The following MKNK2 variants were observed in gnomAD, a reference collection of about 807,000 sequenced individuals.
MKNK2 encodes the protein MAPK interacting serine/threonine kinase 2.
Under a neutral mutation model 55.0 loss-of-function variants are expected in MKNK2, and 54 were observed. That is an observed-to-expected ratio of 0.98 (90% CI 0.79 to 1.23). MKNK2 has a LOEUF of 1.23. Ranked by LOEUF, MKNK2 falls within the 50% of genes most tolerant of loss-of-function variation. The pLI, the probability that MKNK2 is intolerant of heterozygous loss-of-function variation, is 0.00. For missense variants in MKNK2, 685 were observed against 632.1 expected (o/e 1.08, Z -0.90); for synonymous variants, 323 against 256.0 (o/e 1.26, Z -2.50).
At chr19:2,041,526 T>C (rs2016881775) in intron 11 of MKNK2, among the ~76,000 whole-genome samples, 1 of 152,086 alleles carries the variant, frequency 6.6e-6, no homozygotes. Context: ...CTGAACCCTG[T>C]CTGGGGTTTC....
rs1183778250 is a variant in MKNK2, at chr19:2,038,748, A to AC, written c.*864dup. 17 of 984,458 alleles carry AC rather than the reference A, an allele frequency of 1.7e-5. No individual in the cohort carries two copies. Among genetic ancestry groups the AC allele is most frequent in the Middle Eastern group, 1.0e-3 (2 of 1,918 alleles). The allele number at this position is 984,458 out of a possible 1,614,324, so 61.0% of individuals were successfully genotyped here. On this transcript the variant is annotated 3_prime_UTR_variant, in exon 14 of 14. Coordinates refer to ENST00000250896, the MANE Select transcript of MKNK2 (RefSeq NM_199054.3). Reference sequence around the variant, plus strand: ...GGTGCCCCAAGGGGGTGTCTTCAGGACCCCCCACATTGGCTGACAGTGCCT... The same window carrying AC: ...GGTGCCCCAAGGGGGTGTCTTCAGGACCCCCCCACATTGGCTGACAGTGCCT...
intron 2 of MKNK2, 29 bp from the exon 3 acceptor site, chr19:2,046,720 C>A: frequency 6.8e-7 from 1 of 1,477,298 alleles, no homozygotes; most frequent in Non-Finnish European, 9.0e-7. Context: ...GAGAGGCACT[C>A]AGGCCCCATC....
At position 2,046,201 on chromosome 19, in the gene MKNK2, C is replaced by G. The variant is rs751969746; in HGVS notation, c.324G>C (p.Gln108His). Reference sequence around the variant, plus strand: ...GCGGGCCCACCTTGACGGCGTACTCCTGGCTGGTGATCAGGTTGATGCAGG... The same window carrying G: ...GCGGGCCCACCTTGACGGCGTACTCGTGGCTGGTGATCAGGTTGATGCAGG... ...VQTCINLITSQEYAVKIIEKQ... is the reference protein window; with the variant it reads ...VQTCINLITSHEYAVKIIEKQ... The change falls in exon 5 of 14, where the codon CAG becomes CAC. Residue 108 changes from glutamine to histidine, a missense_variant. By Grantham distance (24) the Gln-to-His change is conservative (BLOSUM62 0). Transcript: ENST00000250896. 2.0e-5 allele frequency: 32 copies of G among 1,608,632 alleles called. No homozygotes were observed. The East Asian group carries it at 7.1e-4, about 36-fold the overall frequency.
chr19:2,049,635 C>T (rs1404147772), intron 2 of MKNK2, among the ~76,000 whole-genome samples: 1 of 152,214 alleles, frequency 6.6e-6, no homozygotes, highest in Non-Finnish European at 1.5e-5. Flanking sequence ...TTCAAGTGTG[C>T]TTTAGCTGCC....
intron 2 of MKNK2, among the ~76,000 whole-genome samples, chr19:2,050,592 T>C (rs141207306): frequency 6.6e-6 from 1 of 152,150 alleles, no homozygotes; most frequent in Non-Finnish European, 1.5e-5. Flanking sequence ...CCGGCGGCCA[T>C]GGCTGGAGAG....
chr19:2,038,067 G>A lies in MKNK2; in HGVS notation c.*1546C>T. On this transcript the variant is annotated 3_prime_UTR_variant, in exon 14 of 14. Transcript: ENST00000250896. The stretch of plus-strand genomic sequence containing the variant: ...GGGTCTTTGGAAGGGGCAGTCCACA[G>A]ATATGGGCAGTGGGGACCAGGGAAG... 8.2e-7 allele frequency: 1 copy of A among 1,218,798 alleles called. No homozygotes were observed. Among genetic ancestry groups the A allele is most frequent in the African/African-American group, 1.5e-5 (1 of 64,636 alleles). The allele number at this position is 1,218,798 out of a possible 1,614,324, so 75.5% of individuals were successfully genotyped here.
chr19:2,046,038 C>A, intron 5 of MKNK2, 148 bp downstream of exon 5: 1 of 746,636 alleles, frequency 1.3e-6, no homozygotes, highest in Non-Finnish European at 2.2e-6. Context: ...CACTGTCATT[C>A]CCGACTGGAC....
chr19:2,040,348 A>G (rs2016849544), intron 12 of MKNK2, 171 bp from the exon 13 acceptor site: 1 of 589,886 alleles, frequency 1.7e-6, no homozygotes, highest in Non-Finnish European at 2.9e-6. Flanking sequence ...CGAGGTCCCT[A>G]TGGTGAGGCT....
chr19:2,038,594 C>T lies in MKNK2; in HGVS notation c.*1019G>A. 1 of 985,328 alleles carries T rather than the reference C, an allele frequency of 1.0e-6. No homozygotes were observed. Among genetic ancestry groups the T allele is most frequent in the Non-Finnish European group, 1.2e-6 (1 of 829,852 alleles). 61.0% of individuals were successfully genotyped at this position (985,328 alleles called of 1,614,324 possible). A position where few individuals can be genotyped will look rare whatever the true frequency, so the allele number is the denominator to read the frequency against. On this transcript the variant is annotated 3_prime_UTR_variant, in exon 14 of 14. Coordinates refer to ENST00000250896, the MANE Select transcript of MKNK2 (RefSeq NM_199054.3). ...ACTGCCCTGGGGGTGAGGATTCGGCCAGACCCCGGGGTCTGGGCTCAGCTC... is the reference window on the plus strand; with the variant it reads ...ACTGCCCTGGGGGTGAGGATTCGGCTAGACCCCGGGGTCTGGGCTCAGCTC...
In MKNK2 at chr19:2,046,179, G is replaced by A. The variant is rs768471478; in HGVS notation, c.339+7C>T. On this transcript the variant is annotated splice_region_variant and intron_variant, in intron 5 of 13. Transcript: ENST00000250896. ...GCTGGGTTCCCCAGGGCGCGGCGCG[G>A]GCCCACCTTGACGGCGTACTCCTGG... 1.2e-6 allele frequency: 2 copies of A among 1,607,576 alleles called. No homozygotes were observed. The highest frequency in any genetic ancestry group is 2.7e-5 in the African/African-American group (2 of 74,924).
chr19:2,042,902 G>C, intron 7 of MKNK2, 32 bp from the exon 8 acceptor site: 1 of 1,539,992 alleles, frequency 6.5e-7, no homozygotes. Flanking sequence ...AGGACAGGGG[G>C]AACACGCAGG....
chr19:2,040,932 T>G (rs2016864556), intron 12 of MKNK2, 108 bp downstream of exon 12: 1 of 1,071,430 alleles, frequency 9.3e-7, no homozygotes, highest in African/African-American at 1.6e-5. Flanking sequence ...CAAGCCTCAG[T>G]GCATCTCAGG....
At chr19:2,046,089 C>T (rs1477102623) in intron 5 of MKNK2, 97 bp downstream of exon 5, 3 of 1,263,086 alleles carry the variant, frequency 2.4e-6, no homozygotes, top group Non-Finnish European at 3.4e-6. Context: ...GTCTTCCCGG[C>T]TGTAGGACGG....
intron 4 of MKNK2, 36 bp downstream of exon 4, chr19:2,046,331 C>T (rs748094660): frequency 1.2e-6 from 2 of 1,603,940 alleles, no homozygotes; most frequent in South Asian, 2.2e-5. Flanking sequence ...CTTTTCCCCG[C>T]TCCCGGCTCC....
intron 5 of MKNK2, among the ~76,000 whole-genome samples, chr19:2,045,153 C>T (rs1339129540): frequency 1.3e-5 from 2 of 152,168 alleles, no homozygotes; most frequent in African/African-American, 4.8e-5. Flanking sequence ...CCAGGCTCTG[C>T]AGATCCCAAC....
intron 2 of MKNK2, 79 bp from the exon 3 acceptor site, chr19:2,046,770 C>T (rs549757841): frequency 5.1e-6 from 6 of 1,165,444 alleles, no homozygotes; most frequent in South Asian, 1.6e-5. Flanking sequence ...GCCCCAGTGT[C>T]GCAGCGTCCA....
At chr19:2,050,755 C>G in intron 2 of MKNK2, 46 bp downstream of exon 2, 1 of 1,517,706 alleles carries the variant, frequency 6.6e-7, no homozygotes, top group Admixed American at 2.0e-5. Flanking sequence ...GCCGGCCATT[C>G]CGGTGGTCCA....
chr19:2,044,956 C>G (rs1057376545), intron 5 of MKNK2, among the ~76,000 whole-genome samples: 1 of 152,116 alleles, frequency 6.6e-6, no homozygotes, highest in South Asian at 2.1e-4. Flanking sequence ...GGTGGCTTCC[C>G]GCAGCATGAC....
chr19:2,042,265 G>A (rs954862723), intron 10 of MKNK2, 162 bp downstream of exon 10: 9 of 767,074 alleles, frequency 1.2e-5, no homozygotes, highest in Non-Finnish European at 1.4e-5. Context: ...TGGGGCGCCT[G>A]CTCGAGGCCC....
Sources: allele counts gnomAD v4.1 joint callset (sites outside exome capture counted in the v4.1 genomes callset), GRCh38; gene constraint gnomAD v4.1.1; transcripts MANE v1.5; gene names NCBI Gene and HGNC (gene_info 2026-07-23, HGNC 2026-07-21).